The following SDS variants were observed in gnomAD, a reference collection of about 807,000 sequenced individuals.
The protein encoded by SDS is L-serine dehydratase/L-threonine deaminase.
SDS carries 19 observed loss-of-function variants against 29.3 expected under a neutral mutation model. The observed-to-expected ratio is 0.65, with a 90% CI of 0.45 to 0.95. The LOEUF is 0.95. Among genes scored for constraint, SDS ranks in the 40% least tolerant of loss-of-function variants. The probability of loss-of-function intolerance (pLI) is 0.00; values close to 1 mark genes in which losing one functional copy is unlikely to be tolerated. For missense variants in SDS, 375 were observed against 439.9 expected (o/e 0.85, Z 1.32); for synonymous variants, 176 against 189.0 (o/e 0.93, Z 0.56).
Position 113,393,153 on chromosome 12 carries a change from C to T in SDS, c.779-4G>A. On this transcript the variant is annotated splice_polypyrimidine_tract_variant and splice_region_variant and intron_variant, in intron 7 of 7. Transcript: ENST00000257549. ...TCCACCAGGATCTTCTCATCATCTG[C>T]CAGAGAAGGGGCGTGACAGGGGCGT... 5 of 1,613,274 alleles carry T rather than the reference C, an allele frequency of 3.1e-6. No individual in the cohort carries two copies. Among genetic ancestry groups the T allele is most frequent in the Non-Finnish European group, 4.2e-6 (5 of 1,179,820 alleles).
chr12:113,399,612 T>A lies in SDS; in HGVS notation c.97A>T (p.Ser33Cys), dbSNP rs959760027. The A allele has an allele frequency of 6.2e-7, 1 of 1,603,274 alleles. No individual in the cohort carries two copies. Among genetic ancestry groups the A allele is most frequent in the Non-Finnish European group, 8.5e-7 (1 of 1,176,446 alleles). Reference protein sequence around the residue: ...AGTSVYLKMDSAQPSGSFKIR... With the variant: ...AGTSVYLKMDCAQPSGSFKIR... Reference sequence around the variant, plus strand: ...TTGAAGGAGCCGGAGGGCTGGGCACTGTCCATCTTGAGGTAGACGCTGGTG... The same window carrying A: ...TTGAAGGAGCCGGAGGGCTGGGCACAGTCCATCTTGAGGTAGACGCTGGTG... The change falls in exon 2 of 8, where the codon AGT becomes TGT. Residue 33 changes from serine to cysteine, a missense_variant. Transcript: ENST00000257549.
At position 113,398,536 on chromosome 12, in the gene SDS, G is replaced by A. The variant is rs760055363; in HGVS notation, c.404C>T (p.Pro135Leu). Residue 135 changes from proline to leucine, a missense_variant, in exon 5 of 8, where the codon CCC becomes CTC. Physicochemically the swap from Pro to Leu is moderately conservative, Grantham distance 98. Coordinates refer to ENST00000257549, the MANE Select transcript of SDS (RefSeq NM_006843.3). ...ATACCAGATGAGGGGGTCATCAAAG[G>A]GGGGAATGTAGACCCAACCCGGGTT... Reference protein sequence around the residue: ...KNNPGWVYIPPFDDPLIWEGH... With the variant: ...KNNPGWVYIPLFDDPLIWEGH... The A allele has an allele frequency of 2.5e-6, 4 of 1,590,856 alleles. No individual in the cohort carries two copies. The highest frequency in any genetic ancestry group is 3.4e-6 in the Non-Finnish European group (4 of 1,170,206).
chr12:113,392,647 C>G lies in SDS; in HGVS notation c.*294G>C. 1 of 401,832 alleles carries G rather than the reference C, an allele frequency of 2.5e-6. No individual in the cohort carries two copies. Among genetic ancestry groups the G allele is most frequent in the Middle Eastern group, 7.2e-4 (1 of 1,384 alleles). The allele number at this position is 401,832 out of a possible 1,614,324, so 24.9% of individuals were successfully genotyped here. A position where few individuals can be genotyped will look rare whatever the true frequency, so the allele number is the denominator to read the frequency against. ...TTCCTCACTGCTGTGATTCAGGTCT[C>G]TCCTGTCCACCCTGCTCTGGGTACC... On this transcript the variant is annotated 3_prime_UTR_variant, in exon 8 of 8. Coordinates refer to ENST00000257549, the MANE Select transcript of SDS (RefSeq NM_006843.3).
intron 1 of SDS, among the ~76,000 whole-genome samples, chr12:113,400,464 C>T (rs1312311185): frequency 6.6e-6 from 1 of 151,220 alleles, no homozygotes; most frequent in East Asian, 1.9e-4. Context: ...CAGAGTGAGA[C>T]TGTGTCTCAA....
At position 113,398,736 on chromosome 12, in the gene SDS, C is replaced by T; in HGVS notation, c.304G>A (p.Glu102Lys). Reference protein sequence around the residue: ...PALTIERLKNEGATVKVVGEL... With the variant: ...PALTIERLKNKGATVKVVGEL... ...CCCACCACCTTGACTGTGGCACCTT[C>T]ATTCTTGAGGCGCTCAATGGTGAGA... is the stretch of plus-strand genomic sequence containing the variant. Residue 102 changes from glutamate to lysine, a missense_variant, in exon 4 of 8, where the codon GAA (glutamate) becomes AAA (lysine). Glu to Lys is a moderately conservative substitution (Grantham distance 56). Coordinates refer to ENST00000257549, the MANE Select transcript of SDS (RefSeq NM_006843.3). 6.2e-7 allele frequency: 1 copy of T among 1,614,252 alleles called. No individual in the cohort carries two copies. The highest frequency in any genetic ancestry group is 8.5e-7 in the Non-Finnish European group (1 of 1,180,036).
chr12:113,399,062 T>C, intron 3 of SDS, 50 bp downstream of exon 3: 1 of 1,604,802 alleles, frequency 6.2e-7, no homozygotes, highest in Non-Finnish European at 8.5e-7. Context: ...GCAGAGTGTC[T>C]GATCCCAGGA....
chr12:113,393,950 G>T lies in SDS; in HGVS notation c.720C>A (p.Pro240=). 1 of 1,614,174 alleles carries T rather than the reference G, an allele frequency of 6.2e-7. No individual in the cohort carries two copies. Among genetic ancestry groups the T allele is most frequent in the Non-Finnish European group, 8.5e-7 (1 of 1,180,022 alleles). The change falls in exon 7 of 8, where the codon CCC becomes CCA. Residue 240 remains proline (P), a synonymous_variant. Transcript: ENST00000257549. Reference sequence around the variant, plus strand: ...GGTCCGAGATAACTTCAGAGAAAATGGGGTGTTCCTGAAACAGCTTCAGGG... The same window carrying T: ...GGTCCGAGATAACTTCAGAGAAAATTGGGTGTTCCTGAAACAGCTTCAGGG... ...AQALKLFQEH[P]IFSEVISDQE... is the part of the protein sequence containing the mutation.
rs1957620965 is a variant in SDS at position 113,393,058 on chromosome 12, AT to A, written c.869del (p.Asn290IlefsTer33). 7 of 1,614,046 alleles carry A rather than the reference AT, an allele frequency of 4.3e-6. No individual in the cohort carries two copies. The East Asian group carries it at 1.6e-4, about 36-fold the overall frequency. The part of the protein sequence containing the change: ...HVIQKLQLEG[N>X]LRTPLPSLVV... ...CGAGGGATGGCAGCGGGGTTCGGAGATTCCCCTCCAGTTGGAGCTTCTGGAT... is the reference window on the plus strand; with the variant it reads ...CGAGGGATGGCAGCGGGGTTCGGAGATCCCCTCCAGTTGGAGCTTCTGGAT... On this transcript the variant is annotated frameshift_variant, in exon 8 of 8. Coordinates refer to ENST00000257549, the MANE Select transcript of SDS (RefSeq NM_006843.3). LOFTEE classifies it high-confidence loss of function.
At chr12:113,400,877 G>A (rs895399669) in intron 1 of SDS, among the ~76,000 whole-genome samples, 1 of 151,816 alleles carries the variant, frequency 6.6e-6, no homozygotes, top group African/African-American at 2.4e-5. Context: ...ACCTGGGCTG[G>A]GCGCGGTGAC....
In SDS at chr12:113,398,611, A is replaced by G. The variant is rs772559942; in HGVS notation, c.334-5T>C. On this transcript the variant is annotated splice_polypyrimidine_tract_variant and splice_region_variant and intron_variant, in intron 4 of 7. Transcript: ENST00000257549. ...CTCGAAGGCTTCATCCAATAACTGC[A>G]AAGCCACAGGGGAGATAGGAGGGGG... The G allele has an allele frequency of 2.5e-6, 4 of 1,595,942 alleles. No homozygotes were observed. The highest frequency in any genetic ancestry group is 3.4e-6 in the Non-Finnish European group (4 of 1,169,088).
rs1375158551 is a variant in SDS at position 113,393,087 on chromosome 12, C to T, written c.841G>A (p.Val281Met). The T allele has an allele frequency of 1.2e-6, 2 of 1,614,080 alleles. No individual in the cohort carries two copies. The highest frequency in any genetic ancestry group is 1.7e-6 in the Non-Finnish European group (2 of 1,180,042). Residue 281 changes from valine (V) to methionine (M), a missense_variant, in exon 8 of 8, where the codon GTG (valine) becomes ATG (methionine). Coordinates refer to ENST00000257549, the MANE Select transcript of SDS (RefSeq NM_006843.3). ...GAALAAVYSH[V>M]IQKLQLEGNL... ...CCCTCCAGTTGGAGCTTCTGGATCA[C>T]GTGGCTATAGACAGCGGCCAGGGCT...
chr12:113,399,826 G>T, intron 1 of SDS, 116 bp from the exon 2 acceptor site: 1 of 1,030,868 alleles, frequency 9.7e-7, no homozygotes, highest in Non-Finnish European at 1.3e-6. Context: ...AGACGAGAGA[G>T]CATCCTGGAG....
intron 5 of SDS, 71 bp from the exon 6 acceptor site, chr12:113,397,463 G>A (rs1304911699): frequency 1.4e-5 from 18 of 1,304,736 alleles, no homozygotes; most frequent in South Asian, 9.4e-5. Context: ...GGTTTGCACC[G>A]GCCTTATCCC....
rs558619709 is a variant in SDS, at chr12:113,398,725, T to C, written c.315A>G (p.Thr105=). The change falls in exon 4 of 8, where the codon ACA becomes ACG. Residue 105 remains threonine (T), a synonymous_variant. Coordinates refer to ENST00000257549, the MANE Select transcript of SDS (RefSeq NM_006843.3). Reference sequence around the variant, plus strand: ...CACTCACCTCACCCACCACCTTGACTGTGGCACCTTCATTCTTGAGGCGCT... The same window carrying C: ...CACTCACCTCACCCACCACCTTGACCGTGGCACCTTCATTCTTGAGGCGCT... ...TIERLKNEGA[T]VKVVGELLDE... The C allele has an allele frequency of 3.5e-5, 56 of 1,614,184 alleles. 1 individual carries two copies. In the South Asian group the frequency reaches 6.1e-4, roughly 18 times the overall value.
chr12:113,392,837 G>T lies in SDS; in HGVS notation c.*104C>A. 9.0e-7 allele frequency: 1 copy of T among 1,105,232 alleles called. No individual in the cohort carries two copies. The highest frequency in any genetic ancestry group is 1.3e-5 in the South Asian group (1 of 75,564). The allele number at this position is 1,105,232 out of a possible 1,614,324, so 68.5% of individuals were successfully genotyped here. A position where few individuals can be genotyped will look rare whatever the true frequency, so the allele number is the denominator to read the frequency against. Reference sequence around the variant, plus strand: ...TAACAAGAAGTTAACCTGCACCCAGGCCACAGGTGCTCAGCCAAACATACG... The same window carrying T: ...TAACAAGAAGTTAACCTGCACCCAGTCCACAGGTGCTCAGCCAAACATACG... On this transcript the variant is annotated 3_prime_UTR_variant, in exon 8 of 8. Transcript: ENST00000257549.
chr12:113,393,274 G>C, intron 7 of SDS, 125 bp from the exon 8 acceptor site: 1 of 932,640 alleles, frequency 1.1e-6, no homozygotes, highest in Non-Finnish European at 1.7e-6. Context: ...TGCAGCCGCA[G>C]GTCCTGAACC....
intron 7 of SDS, 135 bp downstream of exon 7, chr12:113,393,757 A>G: frequency 8.5e-7 from 1 of 1,182,346 alleles, no homozygotes; most frequent in Non-Finnish European, 1.2e-6. Flanking sequence ...CTATTAATGG[A>G]AAATTCTAGG....
At chr12:113,401,732 G>A (rs1221908176) in intron 1 of SDS, among the ~76,000 whole-genome samples, 2 of 152,314 alleles carry the variant, frequency 1.3e-5, no homozygotes, top group African/African-American at 2.4e-5. Flanking sequence ...GGCTCTGGGG[G>A]ATGAAGCAGC....
chr12:113,397,056 T>C (rs1957651054), intron 6 of SDS, 109 bp downstream of exon 6: 3 of 1,005,638 alleles, frequency 3.0e-6, no homozygotes, highest in Non-Finnish European at 4.5e-6. Flanking sequence ...AAAGCCTCCA[T>C]TGTCTCATCT....
Sources: gnomAD v4.1 joint callset for allele counts (sites outside exome capture counted in the v4.1 genomes callset) on GRCh38, gnomAD v4.1.1 for gene constraint, MANE v1.5 for transcripts, NCBI Gene and HGNC (gene_info 2026-07-23, HGNC 2026-07-21) for gene names.